MAST2: variants seen among roughly 807,000 people sequenced by gnomAD.
MAST2 encodes microtubule associated serine/threonine kinase 2, also known as microtubule-associated serine/threonine-protein kinase 2.
Under a neutral mutation model 147.4 loss-of-function variants are expected in MAST2, and 70 were observed. The observed-to-expected ratio is 0.47, with a 90% CI of 0.39 to 0.58. The LOEUF (loss-of-function observed/expected upper bound fraction) is 0.58, where lower values mean the gene tolerates loss of function less well. Ranked by LOEUF, MAST2 falls within the 20% of genes least tolerant of loss-of-function variation. MAST2 has a pLI of 0.00. For missense variants in MAST2, 2,080 were observed against 2,302.3 expected, an observed-to-expected ratio of 0.90 and a Z score of 1.98; for synonymous variants, 869 against 896.8, an observed-to-expected ratio of 0.97 and a Z score of 0.55.
chr1:46,034,724 C>T lies in MAST2; in HGVS notation c.4055C>T (p.Pro1352Leu). The change falls in exon 29 of 29, where the codon CCC (proline) becomes CTC (leucine). Residue 1352 changes from proline to leucine, a missense_variant. Physicochemically the swap from Pro to Leu is moderately conservative, Grantham distance 98 (BLOSUM62 -3). This residue lies in a region of MAST2 where 1,278 missense variants were observed against 1,304.2 expected (regional missense o/e 0.98). Coordinates refer to ENST00000361297, the MANE Select transcript of MAST2 (RefSeq NM_015112.3). ...TCACCACTGGCCCACACCCCTTCTC[C>T]CCCACCCCCAACAGCTTCACCTCAG... ...PLSPLAHTPSPPPPTASPQRS... is the reference protein window; with the variant it reads ...PLSPLAHTPSLPPPTASPQRS... 6.2e-7 allele frequency: 1 copy of T among 1,614,136 alleles called. No individual in the cohort carries two copies. Among genetic ancestry groups the T allele is most frequent in the Non-Finnish European group, 8.5e-7 (1 of 1,180,026 alleles).
intron 3 of MAST2, among the ~76,000 whole-genome samples, chr1:45,881,024 A>G (rs1020810776): frequency 1.4e-4 from 22 of 152,100 alleles, no homozygotes; most frequent in African/African-American, 5.1e-4. Context: ...AGAAGAAAAT[A>G]TAAGCACATA....
chr1:45,833,443 G>A (rs1645017424), intron 3 of MAST2, among the ~76,000 whole-genome samples: 1 of 152,044 alleles, frequency 6.6e-6, no homozygotes, highest in East Asian at 1.9e-4. Flanking sequence ...GTTAACAGTG[G>A]GTTGTTTCTG....
intron 4 of MAST2, among the ~76,000 whole-genome samples, chr1:45,943,838 G>A (rs1194082130): frequency 6.6e-6 from 1 of 152,146 alleles, no homozygotes; most frequent in Non-Finnish European, 1.5e-5. Flanking sequence ...TAGTAACATA[G>A]GGAAATAACA....
At chr1:46,018,398 T>G (rs1238349977) in intron 10 of MAST2, among the ~76,000 whole-genome samples, 1 of 152,166 alleles carries the variant, frequency 6.6e-6, no homozygotes, top group African/African-American at 2.4e-5. Context: ...TATTGGTTCT[T>G]ATTCTTTGGT....
At chr1:45,910,406 T>G (rs2148566610) in intron 4 of MAST2, among the ~76,000 whole-genome samples, 1 of 152,340 alleles carries the variant, frequency 6.6e-6, no homozygotes, top group East Asian at 1.9e-4. Flanking sequence ...TTAAAAATTT[T>G]TGTAAGTACA....
intron 11 of MAST2, among the ~76,000 whole-genome samples, chr1:46,021,318 C>G (rs1478922436): frequency 6.6e-6 from 1 of 152,194 alleles, no homozygotes; most frequent in African/African-American, 2.4e-5. Flanking sequence ...CAGACCTGGG[C>G]TGAATGCTGG....
At chr1:46,029,748 A>AGG (rs1646562792) in intron 19 of MAST2, 83 bp from the exon 20 acceptor site, 2 of 1,535,744 alleles carry the variant, frequency 1.3e-6, no homozygotes, top group Admixed American at 1.8e-5. Flanking sequence ...TAGCTTCTGA[A>AGG]GGTCTGGCTT....
intron 9 of MAST2, among the ~76,000 whole-genome samples, 169 bp downstream of exon 9, chr1:46,008,540 C>T (rs1000079397): frequency 1.3e-5 from 2 of 152,214 alleles, no homozygotes; most frequent in Non-Finnish European, 2.9e-5. Flanking sequence ...CAAGGGCTTC[C>T]AGACTGCTTG....
chr1:45,885,619 C>T (rs1223868961), intron 4 of MAST2, among the ~76,000 whole-genome samples: 1 of 152,154 alleles, frequency 6.6e-6, no homozygotes, highest in Non-Finnish European at 1.5e-5. Context: ...GGGTTTCAGT[C>T]ACGGCACTAT....
intron 4 of MAST2, among the ~76,000 whole-genome samples, chr1:45,937,785 A>T (rs10127690): frequency 1.4e-5 from 2 of 141,780 alleles, no homozygotes; most frequent in Non-Finnish European, 3.0e-5. Context: ...AAAAAAAATT[A>T]CCCATTGTAA....
chr1:46,014,115 T>A (rs1342226841), intron 10 of MAST2, among the ~76,000 whole-genome samples: 1 of 152,210 alleles, frequency 6.6e-6, no homozygotes, highest in Non-Finnish European at 1.5e-5. Context: ...ATATTATTGG[T>A]AATTATATCT....
chr1:45,885,548 AT>A (rs1366106184), intron 4 of MAST2, among the ~76,000 whole-genome samples: 1 of 152,226 alleles, frequency 6.6e-6, no homozygotes, highest in Non-Finnish European at 1.5e-5. Flanking sequence ...AAGTCTCCAA[AT>A]TGGTAAGTGG....
At chr1:46,012,764 A>G (rs1645767245) in intron 10 of MAST2, among the ~76,000 whole-genome samples, 1 of 151,928 alleles carries the variant, frequency 6.6e-6, no homozygotes, top group African/African-American at 2.4e-5. Context: ...GGAGGCCAGG[A>G]TGGAAGGATC....
intron 1 of MAST2, among the ~76,000 whole-genome samples, chr1:45,822,346 A>G (rs1259301815): frequency 6.6e-6 from 1 of 152,104 alleles, no homozygotes; most frequent in Non-Finnish European, 1.5e-5. Flanking sequence ...TTCATATTTA[A>G]TTTATATTTC....
chr1:45,936,895 A>G (rs1421126633), intron 4 of MAST2, among the ~76,000 whole-genome samples: 2 of 152,018 alleles, frequency 1.3e-5, no homozygotes, highest in Non-Finnish European at 2.9e-5. Context: ...GAAACATCTG[A>G]CTTGAGTTTT....
At chr1:45,897,437 G>T (rs1273248976) in intron 4 of MAST2, among the ~76,000 whole-genome samples, 1 of 152,188 alleles carries the variant, frequency 6.6e-6, no homozygotes, top group African/African-American at 2.4e-5. Context: ...AGCACTTGTA[G>T]TTGCAACCCT....
intron 7 of MAST2, among the ~76,000 whole-genome samples, chr1:46,003,675 C>T (rs1221740092): frequency 3.3e-5 from 5 of 152,104 alleles, no homozygotes; most frequent in Admixed American, 3.3e-4. Context: ...TCATGTTTCC[C>T]AGGCTGGTCC....
At chr1:45,961,924 C>A (rs924327039) in intron 5 of MAST2, among the ~76,000 whole-genome samples, 96 of 151,864 alleles carry the variant, frequency 6.3e-4, no homozygotes, top group Non-Finnish European at 1.0e-3. Flanking sequence ...CTCCCCCATC[C>A]CCCCACCCCA....
At chr1:45,895,451 A>G (rs1365418963) in intron 4 of MAST2, among the ~76,000 whole-genome samples, 1 of 152,224 alleles carries the variant, frequency 6.6e-6, no homozygotes, top group Non-Finnish European at 1.5e-5. Flanking sequence ...TTATGTAAAG[A>G]AAAATTGAAA....
Sources: allele counts gnomAD v4.1 joint callset (sites outside exome capture counted in the v4.1 genomes callset), GRCh38; gene constraint gnomAD v4.1.1; regional missense constraint gnomAD v4.1.1; transcripts MANE v1.5; gene names NCBI Gene and HGNC (gene_info 2026-07-23, HGNC 2026-07-21).